The following SGCD variants were observed in gnomAD, a reference collection of about 807,000 sequenced individuals.
SGCD encodes delta-sarcoglycan.
In SGCD, 18 loss-of-function variants were observed where a neutral mutation model predicts 36.6. The ratio of observed to expected loss-of-function variants is 0.49; its 90% CI spans 0.34 to 0.73. The LOEUF is 0.73. Among genes scored for constraint, SGCD ranks in the 30% least tolerant of loss-of-function variants. The probability of loss-of-function intolerance (pLI) is 0.01; values close to 1 mark genes in which losing one functional copy is unlikely to be tolerated. For synonymous variants in SGCD, 133 were observed against 130.6 expected (o/e 1.02, Z -0.12); for missense variants, 387 against 346.7 (o/e 1.12, Z -0.92).
intron 4 of SGCD, among the ~76,000 whole-genome samples, chr5:156,524,287 T>TTA (rs5872468): frequency 0.36 from 47,227 of 129,894 alleles, 9,705 homozygotes; most frequent in Non-Finnish European, 0.48. Flanking sequence ...ATATATATAG[T>TTA]TATATATATA....
intron 3 of SGCD, among the ~76,000 whole-genome samples, chr5:156,435,439 G>A (rs1374322510): frequency 6.6e-6 from 1 of 152,142 alleles, no homozygotes; most frequent in East Asian, 1.9e-4. Context: ...CAATCTGTCT[G>A]TACTTGTAAT....
chr5:156,595,926 T>C (rs888842), intron 6 of SGCD, among the ~76,000 whole-genome samples: 48,370 of 152,032 alleles, frequency 0.32, 8,589 homozygotes, highest in African/African-American at 0.49. Context: ...TATGGCTGTA[T>C]GCTGAAATGA....
chr5:155,872,106 C>G (rs1422335366), intron 1 of SGCD, among the ~76,000 whole-genome samples: 2 of 152,100 alleles, frequency 1.3e-5, no homozygotes, highest in Non-Finnish European at 2.9e-5. Flanking sequence ...GTCTGCCTTT[C>G]CCAGCACCAA....
chr5:156,603,607 A>T (rs934148294), intron 6 of SGCD, among the ~76,000 whole-genome samples: 1 of 151,958 alleles, frequency 6.6e-6, no homozygotes, highest in African/African-American at 2.4e-5. Flanking sequence ...CTTTGGCATG[A>T]TGTGTTTTTA....
At chr5:156,709,783 T>C (rs1388143685) in intron 7 of SGCD, among the ~76,000 whole-genome samples, 1 of 152,154 alleles carries the variant, frequency 6.6e-6, no homozygotes, top group Non-Finnish European at 1.5e-5. Context: ...TATTGTGTGC[T>C]TAGAATGGGG....
intron 1 of SGCD, among the ~76,000 whole-genome samples, chr5:156,327,858 G>A (rs1408310875): frequency 1.3e-5 from 2 of 152,164 alleles, no homozygotes; most frequent in South Asian, 2.1e-4. Flanking sequence ...ATCAACATTT[G>A]TAATTCTGTT....
intron 3 of SGCD, among the ~76,000 whole-genome samples, chr5:156,228,021 C>A (rs894102191): frequency 6.6e-6 from 1 of 152,000 alleles, no homozygotes; most frequent in East Asian, 1.9e-4. Context: ...GATATAATTT[C>A]AATTTTCTTA....
intron 3 of SGCD, among the ~76,000 whole-genome samples, chr5:156,488,106 T>TTTG (rs1263942899): frequency 8.7e-5 from 12 of 138,504 alleles, no homozygotes; most frequent in Middle Eastern, 3.6e-3. Context: ...AGGTTTTTTT[T>TTTG]TTTTTTTTTT....
At position 156,160,123 on chromosome 5, in the gene SGCD, T is replaced by C. The variant is rs910467951; in HGVS notation, c.-44+36104T>C. Among the ~76,000 whole-genome samples the C allele has an allele frequency of 2.6e-5, 4 of 151,638 alleles. 1 individual carries two copies. Among genetic ancestry groups the C allele is most frequent in the African/African-American group, 9.8e-5 (4 of 40,996 alleles). On this transcript the variant is annotated intron_variant, in intron 3 of 9. Transcript: ENST00000517913. ...TATTTTCAAATCTTTAAGACATATT[T>C]TTCACAAGTGCTTTGCCATGAGTTG...
intron 3 of SGCD, among the ~76,000 whole-genome samples, chr5:156,245,410 T>G (rs952678858): frequency 6.6e-6 from 1 of 152,170 alleles, no homozygotes; most frequent in African/African-American, 2.4e-5. Context: ...TTACATTCCC[T>G]GTTGAGATAA....
chr5:156,634,557 A>T (rs552168451), intron 6 of SGCD, among the ~76,000 whole-genome samples: 1 of 152,260 alleles, frequency 6.6e-6, no homozygotes, highest in South Asian at 2.1e-4. Context: ...TGTTTATATG[A>T]TTTGATAGAA....
At chr5:156,079,567 A>G (rs943306872) in intron 1 of SGCD, among the ~76,000 whole-genome samples, 1 of 152,210 alleles carries the variant, frequency 6.6e-6, no homozygotes, top group Non-Finnish European at 1.5e-5. Flanking sequence ...CATTGGGTAA[A>G]CATTCCCATT....
chr5:155,925,095 A>C (rs1354864424), intron 1 of SGCD, among the ~76,000 whole-genome samples: 1 of 150,324 alleles, frequency 6.7e-6, no homozygotes, highest in Non-Finnish European at 1.5e-5. Context: ...TGGCAGTGAA[A>C]TATCATTTCC....
At chr5:156,420,953 T>C (rs1047249494) in intron 3 of SGCD, among the ~76,000 whole-genome samples, 4 of 152,114 alleles carry the variant, frequency 2.6e-5, no homozygotes, top group Non-Finnish European at 5.9e-5. Context: ...GGGCTTTCAA[T>C]TCAGCTCAAT....
At chr5:156,660,416 T>C (rs1763868914) in intron 7 of SGCD, among the ~76,000 whole-genome samples, 1 of 152,306 alleles carries the variant, frequency 6.6e-6, no homozygotes, top group African/African-American at 2.4e-5. Context: ...CCCTTTTCTT[T>C]GCATCTCCGA....
chr5:156,101,852 A>G (rs1034343967), intron 1 of SGCD, among the ~76,000 whole-genome samples: 1 of 151,886 alleles, frequency 6.6e-6, no homozygotes, highest in Non-Finnish European at 1.5e-5. Context: ...TTAAATTCCA[A>G]TATCAATAAC....
chr5:156,008,365 C>G (rs1214547693), intron 1 of SGCD, among the ~76,000 whole-genome samples: 1 of 151,938 alleles, frequency 6.6e-6, no homozygotes, highest in African/African-American at 2.4e-5. Flanking sequence ...TTTCTTTCTT[C>G]CTCTTCTTTC....
chr5:156,094,585 G>A (rs74864866), intron 1 of SGCD, among the ~76,000 whole-genome samples: 35,334 of 152,058 alleles, frequency 0.23, 4,434 homozygotes, highest in Middle Eastern at 0.3. Flanking sequence ...CATCTTCATG[G>A]TATAGAGTCC....
At chr5:155,851,667 T>C in the SGCD span, among the ~76,000 whole-genome samples, 1 of 152,180 alleles carries the variant, frequency 6.6e-6, no homozygotes, top group Non-Finnish European at 1.5e-5. Context: ...TCTCTATGCC[T>C]GGAAGGCCCT....
Sources: allele counts gnomAD v4.1 joint callset (sites outside exome capture counted in the v4.1 genomes callset), GRCh38; gene constraint gnomAD v4.1.1; transcripts MANE v1.5; gene names NCBI Gene and HGNC (gene_info 2026-07-23, HGNC 2026-07-21).